Variants in CAMSAP2 observed in about 807,000 individuals in gnomAD.
CAMSAP2 encodes the protein calmodulin regulated spectrin associated protein family member 2.
A neutral mutation model predicts 146.1 loss-of-function variants in CAMSAP2; 26 were observed. That is an observed-to-expected ratio of 0.18 (90% confidence interval 0.13 to 0.25). The LOEUF (loss-of-function observed/expected upper bound fraction) is 0.25. CAMSAP2 is among the 10% of genes least tolerant of loss of function. The pLI is 1.00. For missense variants in CAMSAP2, 1,381 were observed against 1,759.3 expected (o/e 0.78, Z 3.85); for synonymous variants, 499 against 596.6 (o/e 0.84, Z 2.38).
chr1:200,806,767 A>G (rs61827519), intron 2 of CAMSAP2, among the ~76,000 whole-genome samples: 4,667 of 26,854 alleles, frequency 0.17, 91 homozygotes, highest in Middle Eastern at 0.28. Context: ...GTGTGTGTGT[A>G]TCTATCTATC....
chr1:200,780,453 G>A (rs1234022569), intron 2 of CAMSAP2, among the ~76,000 whole-genome samples: 1 of 152,184 alleles, frequency 6.6e-6, no homozygotes, highest in Non-Finnish European at 1.5e-5. Flanking sequence ...TTGGGGGCAA[G>A]GAAATTCTAG....
In CAMSAP2 at chr1:200,849,814, A is replaced by T; in HGVS notation, c.3045A>T (p.Gln1015His). 1 of 1,614,180 alleles carries T rather than the reference A, an allele frequency of 6.2e-7. No homozygotes were observed. Among genetic ancestry groups the T allele is most frequent in the Non-Finnish European group, 8.5e-7 (1 of 1,180,028 alleles). Residue 1015 changes from glutamine to histidine, a missense_variant, in exon 11 of 17, where the codon CAA becomes CAT. Gln to His is a conservative substitution (Grantham distance 24). Transcript: ENST00000358823. The surrounding 1 kb of genome is among the most constrained non-coding windows in gnomAD (Gnocchi z 6.3). ...TTTCACCAAGTCAAGTTCCTATTCA[A>T]ACTAGGTCATTTGTATGTTTTGGGG... ...RRFSPSQVPI[Q>H]TRSFVCFGDD...
At chr1:200,823,218 A>G (rs1338143821) in intron 4 of CAMSAP2, among the ~76,000 whole-genome samples, 4 of 152,176 alleles carry the variant, frequency 2.6e-5, no homozygotes, top group East Asian at 3.8e-4. Context: ...ACCTGTCTAT[A>G]TAATATTTCT....
chr1:200,790,783 T>C (rs1199939359), intron 2 of CAMSAP2, among the ~76,000 whole-genome samples: 1 of 152,224 alleles, frequency 6.6e-6, no homozygotes, highest in African/African-American at 2.4e-5. Context: ...CATTTTTTTG[T>C]AGTGCACATT....
rs1667786612 is a variant in CAMSAP2, at chr1:200,857,890, C to G, written c.4268C>G (p.Thr1423Ser). The change falls in exon 17 of 17, where the codon ACT becomes AGT. Residue 1423 changes from threonine (T) to serine (S), a missense_variant. Physicochemically the swap from Thr to Ser is moderately conservative, Grantham distance 58. Transcript: ENST00000358823. This position sits in a 1 kb window ranked among gnomAD's most constrained non-coding sequence, Gnocchi z 4.7. ...ACTGGGATAGGCCCTAAATCTATCA[C>G]TAAAAAAATGATTGAAGGACTTTAC... The part of the protein sequence containing the change: ...KLTGIGPKSI[T>S]KKMIEGLYKY... 1.2e-6 allele frequency: 2 copies of G among 1,613,644 alleles called. No individual in the cohort carries two copies. Among genetic ancestry groups the G allele is most frequent in the South Asian group, 1.1e-5 (1 of 91,044 alleles).
At chr1:200,807,298 C>A in intron 2 of CAMSAP2, 78 bp from the exon 3 acceptor site, 1 of 1,124,150 alleles carries the variant, frequency 8.9e-7, no homozygotes. Flanking sequence ...TAGGAGATGT[C>A]ATTAACATTT....
chr1:200,854,426 A>T (rs1667699343), intron 13 of CAMSAP2, among the ~76,000 whole-genome samples: 1 of 152,220 alleles, frequency 6.6e-6, no homozygotes, highest in Non-Finnish European at 1.5e-5. Flanking sequence ...CATAATATTG[A>T]CTGTTTAAAG....
intron 11 of CAMSAP2, among the ~76,000 whole-genome samples, chr1:200,851,648 G>A (rs555776265): frequency 1.3e-5 from 2 of 152,228 alleles, no homozygotes; most frequent in Non-Finnish European, 2.9e-5. Flanking sequence ...CTCTCTCTGG[G>A]TTTCCATACA....
intron 2 of CAMSAP2, among the ~76,000 whole-genome samples, chr1:200,784,886 A>G (rs950582220): frequency 1.3e-5 from 2 of 152,114 alleles, no homozygotes; most frequent in Non-Finnish European, 2.9e-5. Context: ...ATTTTTGAAG[A>G]TGTTCTTTTT....
In CAMSAP2 at chr1:200,853,243, A is replaced by T; in HGVS notation, c.3603-32A>T. 6.3e-7 allele frequency: 1 copy of T among 1,580,854 alleles called. No homozygotes were observed. ...CCTGTATGGTTTGTCTTTGGTATGCAGAATAAGAACTGTAACCATTTGATT... is the reference window on the plus strand; with the variant it reads ...CCTGTATGGTTTGTCTTTGGTATGCTGAATAAGAACTGTAACCATTTGATT... On this transcript the variant is annotated intron_variant, in intron 12 of 16. Transcript: ENST00000358823. The surrounding 1 kb of genome is among the most constrained non-coding windows in gnomAD (Gnocchi z 5.1).
rs371080129 is a variant in CAMSAP2, at chr1:200,739,815, G to C, written c.-13G>C. On this transcript the variant is annotated 5_prime_UTR_variant, in exon 1 of 17. Transcript: ENST00000358823. This position sits in a 1 kb window ranked among gnomAD's most constrained non-coding sequence, Gnocchi z 4.8. ...GGTTAGGGCCGGGACATCCCGAGGA[G>C]CCGCGGTGAAAGATGGGGGATGCTG... 5.6e-6 allele frequency: 9 copies of C among 1,612,596 alleles called. No individual in the cohort carries two copies. The highest frequency in any genetic ancestry group is 7.6e-6 in the Non-Finnish European group (9 of 1,179,246).
At chr1:200,780,768 A>G (rs534404944) in intron 2 of CAMSAP2, among the ~76,000 whole-genome samples, 2 of 152,174 alleles carry the variant, frequency 1.3e-5, no homozygotes, top group Non-Finnish European at 2.9e-5. Context: ...TTATGTGCAA[A>G]TCTTGTGAAA....
At position 200,848,531 on chromosome 1, in the gene CAMSAP2, A is replaced by C. The variant is rs781604153; in HGVS notation, c.1762A>C (p.Ser588Arg). ...LNSNIKLNQS[S>R]PDNVTDTKGA... is the part of the protein sequence containing the mutation. ...TTCAAATATCAAGTTAAATCAATCTAGTCCTGATAATGTAACTGATACGAA... is the reference window on the plus strand; with the variant it reads ...TTCAAATATCAAGTTAAATCAATCTCGTCCTGATAATGTAACTGATACGAA... Residue 588 changes from serine (S) to arginine (R), a missense_variant, in exon 11 of 17, where the codon AGT (serine) becomes CGT (arginine). Coordinates refer to ENST00000358823, the MANE Select transcript of CAMSAP2 (RefSeq NM_203459.4). 6.2e-7 allele frequency: 1 copy of C among 1,614,008 alleles called. No homozygotes were observed. Among genetic ancestry groups the C allele is most frequent in the South Asian group, 1.1e-5 (1 of 91,068 alleles).
intron 2 of CAMSAP2, among the ~76,000 whole-genome samples, chr1:200,761,937 T>G (rs1241503129): frequency 6.6e-6 from 1 of 152,210 alleles, no homozygotes; most frequent in African/African-American, 2.4e-5. Flanking sequence ...ATGTTTAAGT[T>G]CATTGTATGC....
chr1:200,780,522 G>T (rs1253686653), intron 2 of CAMSAP2, among the ~76,000 whole-genome samples: 4 of 152,168 alleles, frequency 2.6e-5, no homozygotes, highest in Non-Finnish European at 5.9e-5. Flanking sequence ...GTACCCACCA[G>T]ATCTACAATT....
chr1:200,847,112 A>G, intron 8 of CAMSAP2, 98 bp from the exon 9 acceptor site: 2 of 783,510 alleles, frequency 2.6e-6, no homozygotes, highest in East Asian at 5.4e-5. Context: ...TAGGTTGTAG[A>G]ATGAGAGGTG....
At chr1:200,747,674 A>G (rs2102988178) in intron 1 of CAMSAP2, among the ~76,000 whole-genome samples, 1 of 152,204 alleles carries the variant, frequency 6.6e-6, no homozygotes, top group African/African-American at 2.4e-5. Flanking sequence ...GCCCTTGTTG[A>G]TGTGTGGATT....
intron 4 of CAMSAP2, among the ~76,000 whole-genome samples, chr1:200,827,038 T>C (rs1666923415): frequency 1.3e-5 from 2 of 152,198 alleles, no homozygotes; most frequent in South Asian, 4.1e-4. Context: ...TGCTATGTAT[T>C]TGAGCTTTTT....
chr1:200,833,813 G>C (rs927970812), intron 6 of CAMSAP2, among the ~76,000 whole-genome samples: 10 of 151,918 alleles, frequency 6.6e-5, no homozygotes, highest in Non-Finnish European at 1.3e-4. Context: ...AAATGATATG[G>C]TATCCTTGCG....
Sources: allele counts gnomAD v4.1 joint callset (sites outside exome capture counted in the v4.1 genomes callset), GRCh38; gene constraint gnomAD v4.1.1; non-coding constraint Gnocchi (gnomAD v3.1); transcripts MANE v1.5; gene names NCBI Gene and HGNC (gene_info 2026-07-23, HGNC 2026-07-21).